The following CAMTA1 variants were observed in gnomAD, a reference collection of about 807,000 sequenced individuals.
CAMTA1 encodes the protein calmodulin binding transcription activator 1, also known as calmodulin-binding transcription activator 1.
Under a neutral mutation model 170.9 loss-of-function variants are expected in CAMTA1, and 27 were observed. The observed-to-expected ratio is 0.16, with a 90% CI of 0.12 to 0.22. The LOEUF (loss-of-function observed/expected upper bound fraction) is 0.22. CAMTA1 is among the 10% of genes least tolerant of loss of function. The probability of loss-of-function intolerance (pLI) is 1.00; values close to 1 mark genes in which losing one functional copy is unlikely to be tolerated. For synonymous variants in CAMTA1, 833 were observed against 891.5 expected (o/e 0.93, Z 1.17); for missense variants, 1,619 against 2,217.2 (o/e 0.73, Z 5.42).
chr1:6,806,505 G>C (rs537983701), intron 1 of CAMTA1, among the ~76,000 whole-genome samples: 1 of 152,190 alleles, frequency 6.6e-6, no homozygotes, highest in Non-Finnish European at 1.5e-5. Flanking sequence ...GGCTAACTCA[G>C]ACACCCAAGC....
intron 3 of CAMTA1, 58 bp downstream of exon 3, chr1:6,825,268 G>A: frequency 2.5e-6 from 2 of 796,920 alleles, no homozygotes; most frequent in Non-Finnish European, 4.2e-6. Context: ...TTTTTAGGTT[G>A]CTTCACATAG....
At chr1:7,447,106 G>A (rs898966342) in intron 5 of CAMTA1, among the ~76,000 whole-genome samples, 2 of 152,056 alleles carry the variant, frequency 1.3e-5, no homozygotes, top group Non-Finnish European at 2.9e-5. Context: ...ATGCCAGTGT[G>A]CCCCAACCCC....
At chr1:7,524,904 C>T (rs1439905736) in intron 6 of CAMTA1, among the ~76,000 whole-genome samples, 6 of 152,104 alleles carry the variant, frequency 3.9e-5, no homozygotes, top group Non-Finnish European at 5.9e-5. Context: ...GCCATGTTCC[C>T]GGCCCCTCAG....
At chr1:7,196,479 T>G (rs1655555838) in intron 4 of CAMTA1, among the ~76,000 whole-genome samples, 1 of 152,208 alleles carries the variant, frequency 6.6e-6, no homozygotes, top group African/African-American at 2.4e-5. Flanking sequence ...ACATTCCAGT[T>G]AGCAGGAGAG....
chr1:6,977,620 G>A lies in CAMTA1; in HGVS notation c.235-113684G>A, dbSNP rs1207752901. ...CTCCCAAAGTGCTGGGATTACAGGCGTGAGCCACTGCGCCCAGCCTGGACT... is the reference window on the plus strand; with the variant it reads ...CTCCCAAAGTGCTGGGATTACAGGCATGAGCCACTGCGCCCAGCCTGGACT... On this transcript the variant is annotated intron_variant, in intron 3 of 22. Coordinates refer to ENST00000303635, the MANE Select transcript of CAMTA1 (RefSeq NM_015215.4). Among the ~76,000 whole-genome samples the A allele has an allele frequency of 3.9e-5, 6 of 152,274 alleles. No individual in the cohort carries two copies. In the East Asian group the frequency reaches 7.7e-4, roughly 20 times the overall value.
At chr1:7,174,463 G>A (rs1213864841) in intron 4 of CAMTA1, among the ~76,000 whole-genome samples, 1 of 152,218 alleles carries the variant, frequency 6.6e-6, no homozygotes, top group African/African-American at 2.4e-5. Context: ...AAAAGTCACT[G>A]TTTGCAAGTG....
chr1:7,754,185 C>G (rs1333612251), intron 21 of CAMTA1, among the ~76,000 whole-genome samples: 1 of 152,188 alleles, frequency 6.6e-6, no homozygotes, highest in African/African-American at 2.4e-5. Flanking sequence ...AACCAATAGA[C>G]TTTGGCCACT....
chr1:7,601,969 T>C (rs372807817), intron 6 of CAMTA1, among the ~76,000 whole-genome samples: 4,634 of 102,124 alleles, frequency 0.045, 298 homozygotes, highest in African/African-American at 0.053. Flanking sequence ...AGAGGGAGAC[T>C]GTGGGGAGAG....
chr1:7,169,382 G>A (rs953763356), intron 4 of CAMTA1, among the ~76,000 whole-genome samples: 7 of 152,126 alleles, frequency 4.6e-5, no homozygotes, highest in Non-Finnish European at 8.8e-5. Flanking sequence ...TATTTAAGTG[G>A]TACCATCATC....
At chr1:6,898,359 C>T (rs1213369330) in intron 3 of CAMTA1, among the ~76,000 whole-genome samples, 1 of 152,124 alleles carries the variant, frequency 6.6e-6, no homozygotes, top group East Asian at 1.9e-4. Context: ...CGAGACCATC[C>T]TGGCTAACAC....
intron 5 of CAMTA1, among the ~76,000 whole-genome samples, chr1:7,290,587 C>T (rs574394548): frequency 1.3e-5 from 2 of 152,142 alleles, no homozygotes. Context: ...CCCCCATGCA[C>T]GTATTGCTTT....
chr1:7,256,698 A>C (rs1418562260), intron 5 of CAMTA1, among the ~76,000 whole-genome samples: 1 of 152,170 alleles, frequency 6.6e-6, no homozygotes, highest in Non-Finnish European at 1.5e-5. Flanking sequence ...AAAAGATCAT[A>C]GACTGGGTGG....
chr1:7,251,873 T>TTG lies in CAMTA1; in HGVS notation c.438+2262_438+2263dup, dbSNP rs763824909. On this transcript the variant is annotated intron_variant, in intron 5 of 22. Coordinates refer to ENST00000303635, the MANE Select transcript of CAMTA1 (RefSeq NM_015215.4). The surrounding 1 kb of genome is among the most constrained non-coding windows in gnomAD (Gnocchi z 5.1). ...GGACTCTGTGTGTGTGTATATATGT[T>TTG]TGTGTGTGTGTGTGTGCGTATGTGC... is the stretch of plus-strand genomic sequence containing the variant. Among the ~76,000 whole-genome samples the TTG allele has an allele frequency of 8.2e-3, 1,233 of 150,942 alleles. 15 individuals carry two copies. Among genetic ancestry groups the TTG allele is most frequent in the African/African-American group, 0.028 (1,157 of 41,232 alleles).
intron 5 of CAMTA1, among the ~76,000 whole-genome samples, chr1:7,351,920 GAGA>G (rs765528041): frequency 1.3e-5 from 2 of 152,244 alleles, no homozygotes; most frequent in South Asian, 2.1e-4. Flanking sequence ...GCACGCAAGT[GAGA>G]AGGAGTTTTT....
intron 6 of CAMTA1, among the ~76,000 whole-genome samples, chr1:7,563,129 G>C (rs2094982741): frequency 6.6e-6 from 1 of 152,200 alleles, no homozygotes; most frequent in Non-Finnish European, 1.5e-5. Context: ...AGGGTCCCTG[G>C]TCATCGGGCT....
At chr1:7,154,246 G>A (rs1013624410) in intron 4 of CAMTA1, among the ~76,000 whole-genome samples, 13 of 152,122 alleles carry the variant, frequency 8.5e-5, no homozygotes, top group Non-Finnish European at 1.8e-4. Flanking sequence ...GATTGACCCT[G>A]GAGGTAACCC....
At position 7,044,721 on chromosome 1, in the gene CAMTA1, C is replaced by T. The variant is rs1351962279; in HGVS notation, c.235-46583C>T. ...ACCTTCCGAGGAGGCATCAGCTCTT[C>T]CCTTGCTTTGGGGAGGGAACTTACC... On this transcript the variant is annotated intron_variant, in intron 3 of 22. Coordinates refer to ENST00000303635, the MANE Select transcript of CAMTA1 (RefSeq NM_015215.4). The surrounding 1 kb of genome is among the most constrained non-coding windows in gnomAD (Gnocchi z 5.0). 6.6e-6 allele frequency among the ~76,000 whole-genome samples: 1 copy of T among 152,060 alleles called. No individual in the cohort carries two copies. The highest frequency in any genetic ancestry group is 2.4e-5 in the African/African-American group (1 of 41,380).
In CAMTA1 at chr1:6,953,626, G is replaced by A. The variant is rs568718083; in HGVS notation, c.234+128416G>A. ...TGGAATCCACTTTTCTTACCTCCTTGTCACCTCCTTATGCCCAGAGTTGGC... is the reference window on the plus strand; with the variant it reads ...TGGAATCCACTTTTCTTACCTCCTTATCACCTCCTTATGCCCAGAGTTGGC... On this transcript the variant is annotated intron_variant, in intron 3 of 22. Coordinates refer to ENST00000303635, the MANE Select transcript of CAMTA1 (RefSeq NM_015215.4). 5.9e-5 allele frequency among the ~76,000 whole-genome samples: 9 copies of A among 152,294 alleles called. 1 individual carries two copies. In the South Asian group the frequency reaches 1.9e-3, roughly 32 times the overall value.
chr1:7,075,929 C>T (rs909584453), intron 3 of CAMTA1, among the ~76,000 whole-genome samples: 1 of 151,628 alleles, frequency 6.6e-6, no homozygotes, highest in African/African-American at 2.4e-5. Flanking sequence ...TCCCAAAGTG[C>T]TGGGATTATA....
Sources: gnomAD v4.1 joint callset for allele counts (sites outside exome capture counted in the v4.1 genomes callset) on GRCh38, gnomAD v4.1.1 for gene constraint, Gnocchi (gnomAD v3.1) non-coding constraint, MANE v1.5 for transcripts, NCBI Gene and HGNC (gene_info 2026-07-23, HGNC 2026-07-21) for gene names.